The following VWC2L variants were observed in gnomAD, a reference collection of about 807,000 sequenced individuals.
VWC2L encodes the protein von Willebrand factor C domain-containing protein 2-like.
VWC2L carries 10 observed loss-of-function variants against 21.6 expected under a neutral mutation model. The ratio of observed to expected loss-of-function variants is 0.46; its 90% CI spans 0.29 to 0.78. The LOEUF (loss-of-function observed/expected upper bound fraction) is 0.78. VWC2L is among the 30% of genes least tolerant of loss of function. The pLI, the probability that VWC2L is intolerant of heterozygous loss-of-function variation, is 0.10. For synonymous variants in VWC2L, 96 were observed against 94.3 expected, an observed-to-expected ratio of 1.02 and a Z score of -0.10; for missense variants, 209 against 277.1, an observed-to-expected ratio of 0.75 and a Z score of 1.74.
chr2:214,501,369 T>C (rs566314674), intron 3 of VWC2L, among the ~76,000 whole-genome samples: 1 of 152,234 alleles, frequency 6.6e-6, no homozygotes, highest in African/African-American at 2.4e-5. Flanking sequence ...CAGGGAATCA[T>C]GCCTCCCCGA....
At chr2:214,543,034 A>T (rs1200191508) in intron 3 of VWC2L, among the ~76,000 whole-genome samples, 1 of 152,176 alleles carries the variant, frequency 6.6e-6, no homozygotes, top group East Asian at 1.9e-4. Flanking sequence ...AGAATTACTC[A>T]CACCTCAAGG....
At chr2:214,491,238 G>A (rs1456064468) in intron 3 of VWC2L, among the ~76,000 whole-genome samples, 1 of 152,120 alleles carries the variant, frequency 6.6e-6, no homozygotes, top group Non-Finnish European at 1.5e-5. Flanking sequence ...TAGGTTAGGG[G>A]GATGTTTTAA....
intron 3 of VWC2L, among the ~76,000 whole-genome samples, chr2:214,516,991 C>G (rs1157911372): frequency 6.6e-6 from 1 of 152,242 alleles, no homozygotes; most frequent in Non-Finnish European, 1.5e-5. Flanking sequence ...ATTCTTCACT[C>G]TCACTCTCAT....
intron 3 of VWC2L, among the ~76,000 whole-genome samples, chr2:214,467,489 G>A (rs561621661): frequency 3.3e-5 from 5 of 152,254 alleles, no homozygotes; most frequent in Admixed American, 6.5e-5. Context: ...GGCAATCATA[G>A]GGCTCCATTT....
intron 3 of VWC2L, among the ~76,000 whole-genome samples, chr2:214,452,542 T>A (rs1189316252): frequency 1.3e-5 from 2 of 152,196 alleles, no homozygotes; most frequent in Admixed American, 6.5e-5. Flanking sequence ...TTTTTGATTA[T>A]TACAAATAAA....
intron 3 of VWC2L, among the ~76,000 whole-genome samples, chr2:214,474,954 G>A (rs1337982471): frequency 3.3e-5 from 5 of 152,196 alleles, no homozygotes; most frequent in Admixed American, 2.6e-4. Flanking sequence ...AGGAATCTTT[G>A]GTTCCTTGTG....
At chr2:214,557,154 A>G (rs1347097678) in intron 3 of VWC2L, among the ~76,000 whole-genome samples, 1 of 152,122 alleles carries the variant, frequency 6.6e-6, no homozygotes, top group East Asian at 1.9e-4. Context: ...GACATACCCG[A>G]GACTGGGTAA....
chr2:214,414,593 A>G lies in VWC2L; in HGVS notation c.390+10A>G, dbSNP rs754336431. The G allele has an allele frequency of 6.2e-7, 1 of 1,608,464 alleles. No homozygotes were observed. Among genetic ancestry groups the G allele is most frequent in the African/African-American group, 1.3e-5 (1 of 74,438 alleles). On this transcript the variant is annotated intron_variant, in intron 2 of 3. Coordinates refer to ENST00000312504, the MANE Select transcript of VWC2L (RefSeq NM_001080500.4). ...CTTGGAGGAATTTAAGGTATGCGTT[A>G]CCCTCCATATTTATTGAAATATCAA... is the stretch of plus-strand genomic sequence containing the variant.
chr2:214,560,607 A>G (rs1427091739), intron 3 of VWC2L, among the ~76,000 whole-genome samples: 1 of 152,186 alleles, frequency 6.6e-6, no homozygotes, highest in African/African-American at 2.4e-5. Flanking sequence ...CTTAAATTTT[A>G]TGTTTTATAT....
chr2:214,514,372 A>G (rs2105907425), intron 3 of VWC2L, among the ~76,000 whole-genome samples: 1 of 151,358 alleles, frequency 6.6e-6, no homozygotes, highest in Middle Eastern at 3.4e-3. Flanking sequence ...GTAACAGTGG[A>G]ATATGATATT....
chr2:214,530,926 C>T (rs1050809920), intron 3 of VWC2L, among the ~76,000 whole-genome samples: 3 of 152,166 alleles, frequency 2.0e-5, no homozygotes, highest in African/African-American at 4.8e-5. Context: ...CATTGGCAAT[C>T]GTGTTAGGAT....
At chr2:214,459,890 C>A (rs1574576374) in intron 3 of VWC2L, among the ~76,000 whole-genome samples, 1 of 119,680 alleles carries the variant, frequency 8.4e-6, no homozygotes, top group South Asian at 2.6e-4. Context: ...AGAATTATTT[C>A]TTTTCCTTTG....
intron 3 of VWC2L, among the ~76,000 whole-genome samples, chr2:214,485,987 T>C (rs1033401676): frequency 6.6e-6 from 1 of 152,180 alleles, no homozygotes; most frequent in African/African-American, 2.4e-5. Context: ...AGTGGATAAA[T>C]TTGTTTTTTG....
intron 2 of VWC2L, among the ~76,000 whole-genome samples, chr2:214,421,062 T>TA (rs1160595380): frequency 1.3e-5 from 2 of 152,230 alleles, no homozygotes; most frequent in African/African-American, 4.8e-5. Context: ...ACGTAATTTT[T>TA]ATACTCTTTG....
chr2:214,491,942 T>A (rs913553281), intron 3 of VWC2L, among the ~76,000 whole-genome samples: 3 of 152,208 alleles, frequency 2.0e-5, no homozygotes, highest in African/African-American at 7.2e-5. Flanking sequence ...AGTTATGGGA[T>A]AGCTGAAATT....
At position 214,575,584 on chromosome 2, in the gene VWC2L, T is replaced by G. The variant is rs529640392; in HGVS notation, c.521-88T>G. 206 of 1,478,392 alleles carry G rather than the reference T, an allele frequency of 1.4e-4. 2 individuals carry two copies. In the South Asian group the frequency reaches 1.5e-3, roughly 11 times the overall value. 91.6% of individuals were successfully genotyped at this position (1,478,392 alleles called of 1,614,324 possible). A position where few individuals can be genotyped will look rare whatever the true frequency, so the allele number is the denominator to read the frequency against. ...CAGTAGAGTAGTCTGACTTACTCATTTATGGCTTTGGGGCTTGGGTTTGGA... is the reference window on the plus strand; with the variant it reads ...CAGTAGAGTAGTCTGACTTACTCATGTATGGCTTTGGGGCTTGGGTTTGGA... On this transcript the variant is annotated intron_variant, in intron 3 of 3. Coordinates refer to ENST00000312504, the MANE Select transcript of VWC2L (RefSeq NM_001080500.4).
intron 3 of VWC2L, among the ~76,000 whole-genome samples, chr2:214,530,132 C>T (rs545996098): frequency 6.6e-6 from 1 of 152,298 alleles, no homozygotes; most frequent in Admixed American, 6.5e-5. Context: ...CTTACATTGC[C>T]ATTTCCTTGG....
Position 214,524,602 on chromosome 2 carries a change from C to T in VWC2L, c.521-51070C>T, listed in dbSNP as rs186981760. On this transcript the variant is annotated intron_variant, in intron 3 of 3. Coordinates refer to ENST00000312504, the MANE Select transcript of VWC2L (RefSeq NM_001080500.4). ...TTATTAAGTACTAGCATGTGCCAGG[C>T]GCTGTTTTAGGTGCTGAGGATACAG... 5.6e-3 allele frequency among the ~76,000 whole-genome samples: 857 copies of T among 152,064 alleles called. 8 individuals are homozygous for T. The highest frequency in any genetic ancestry group is 0.019 in the African/African-American group (789 of 41,562).
intron 3 of VWC2L, among the ~76,000 whole-genome samples, chr2:214,474,779 A>G (rs907778574): frequency 9.9e-5 from 15 of 152,184 alleles, no homozygotes; most frequent in African/African-American, 3.6e-4. Flanking sequence ...ATTAAATGAG[A>G]TAGCATATGT....
Sources: allele counts gnomAD v4.1 joint callset (sites outside exome capture counted in the v4.1 genomes callset), GRCh38; gene constraint gnomAD v4.1.1; transcripts MANE v1.5; gene names NCBI Gene and HGNC (gene_info 2026-07-23, HGNC 2026-07-21).